The following CREB3 variants were observed in gnomAD, a reference collection of about 807,000 sequenced individuals.
CREB3 encodes cAMP responsive element binding protein 3.
CREB3 carries 29 observed loss-of-function variants against 34.5 expected under a neutral mutation model. The ratio of observed to expected loss-of-function variants is 0.84; its 90% CI spans 0.63 to 1.15. CREB3 has a LOEUF of 1.15. Among genes scored for constraint, CREB3 ranks in the 50% most tolerant of loss-of-function variants. The pLI, the probability that CREB3 is intolerant of heterozygous loss-of-function variation, is 0.00. For missense variants in CREB3, 447 were observed against 443.4 expected (o/e 1.01, Z -0.07); for synonymous variants, 187 against 173.9 (o/e 1.08, Z -0.59).
At chr9:35,733,540 G>A (rs1484604538) in intron 4 of CREB3, 55 bp downstream of exon 4, 30 of 1,228,482 alleles carry the variant, frequency 2.4e-5, no homozygotes, top group Middle Eastern at 1.9e-4. Context: ...GTCCCAAGTA[G>A]GCAAATTCTG....
rs748445469 is a variant in CREB3, at chr9:35,732,994, A to AG, written c.130dup. 5 of 1,614,118 alleles carry AG rather than the reference A, an allele frequency of 3.1e-6. No homozygotes were observed. In the African/African-American group the frequency reaches 6.7e-5, roughly 22 times the overall value. Reference sequence around the variant, plus strand: ...AGGCCTGTTCATTGGAACCCTGCGCAGGTACCGAGCGACTGGGAAGTAGAT... The same window carrying AG: ...AGGCCTGTTCATTGGAACCCTGCGCAGGGTACCGAGCGACTGGGAAGTAGAT... On this transcript the variant is annotated splice_acceptor_variant, in intron 1 of 8. Transcript: ENST00000353704. LOFTEE classifies it high-confidence loss of function. The surrounding 1 kb of genome is among the most constrained non-coding windows in gnomAD (Gnocchi z 5.1).
chr9:35,735,670 C>T (rs932094028), intron 6 of CREB3, among the ~76,000 whole-genome samples: 3 of 152,140 alleles, frequency 2.0e-5, no homozygotes, highest in African/African-American at 7.2e-5. Context: ...AGGACTAGTC[C>T]AGCATAGTCA....
In CREB3 at chr9:35,736,317, A is replaced by G. The variant is rs1408242773; in HGVS notation, c.781+6A>G. On this transcript the variant is annotated splice_donor_region_variant and intron_variant, in intron 8 of 8. Coordinates refer to ENST00000353704, the MANE Select transcript of CREB3 (RefSeq NM_006368.5). The stretch of plus-strand genomic sequence containing the variant: ...CCTGCCAGCTGAGCATGGAGGTAAG[A>G]GGCTTAAGGATAGCTCTCAGACAGG... The G allele has an allele frequency of 6.2e-7, 1 of 1,613,904 alleles. No individual in the cohort carries two copies. The highest frequency in any genetic ancestry group is 2.2e-5 in the East Asian group (1 of 44,888).
chr9:35,736,437 A>C lies in CREB3; in HGVS notation c.827A>C (p.Gln276Pro), dbSNP rs1826211023. ...GCCCTCCCCAGTGAGGACCCTTACC[A>C]GCTGGAGCTGCCTGCCCTGCAGTCA... ...LRALPSEDPY[Q>P]LELPALQSEV... The change falls in exon 9 of 9, where the codon CAG becomes CCG. Residue 276 changes from glutamine (Q) to proline (P), a missense_variant. Gln to Pro is a moderately conservative substitution (Grantham distance 76, BLOSUM62 -1). Coordinates refer to ENST00000353704, the MANE Select transcript of CREB3 (RefSeq NM_006368.5). The C allele has an allele frequency of 3.7e-6, 6 of 1,614,108 alleles. No homozygotes were observed. The highest frequency in any genetic ancestry group is 5.1e-6 in the Non-Finnish European group (6 of 1,180,036).
chr9:35,735,304 A>G lies in CREB3; in HGVS notation c.543-2A>G, dbSNP rs768692267. On this transcript the variant is annotated splice_acceptor_variant, in intron 5 of 8. Coordinates refer to ENST00000353704, the MANE Select transcript of CREB3 (RefSeq NM_006368.5). LOFTEE classifies it high-confidence loss of function. ...TCCCCGTATCTTTGTTATTTCCCCC[A>G]GGGTCTTGAAATACACAGCCCAGAA... The G allele has an allele frequency of 6.2e-7, 1 of 1,614,018 alleles. No individual in the cohort carries two copies. The highest frequency in any genetic ancestry group is 1.1e-5 in the South Asian group (1 of 91,090).
In CREB3 at chr9:35,735,234, C is replaced by G. The variant is rs750985232; in HGVS notation, c.542+19C>G. 1.2e-6 allele frequency: 2 copies of G among 1,611,964 alleles called. No individual in the cohort carries two copies. The highest frequency in any genetic ancestry group is 1.3e-5 in the African/African-American group (1 of 74,912). On this transcript the variant is annotated intron_variant, in intron 5 of 8. Coordinates refer to ENST00000353704, the MANE Select transcript of CREB3 (RefSeq NM_006368.5). ...AGAGCAGGTATGAAAGGGAGAGGGA[C>G]TCTGTTGTAAGTATTAGGTTTTTGA...
Position 35,735,158 on chromosome 9 carries a change from G to A in CREB3, c.485G>A (p.Arg162Lys). The A allele has an allele frequency of 6.2e-7, 1 of 1,601,344 alleles. No homozygotes were observed. The highest frequency in any genetic ancestry group is 8.5e-7 in the Non-Finnish European group (1 of 1,177,062). ...KRVRRKIRNK[R>K]SAQESRRKKK... is the part of the protein sequence containing the mutation. ...GTGCGGAGGAAGATTCGAAATAAAA[G>A]ATCTGCTCAAGAGAGCCGCAGGAAA... Residue 162 changes from arginine (R) to lysine (K), a missense_variant, in exon 5 of 9, where the codon AGA becomes AAA. Coordinates refer to ENST00000353704, the MANE Select transcript of CREB3 (RefSeq NM_006368.5).
At chr9:35,736,365 G>A in intron 8 of CREB3, 27 bp from the exon 9 acceptor site, 1 of 1,612,854 alleles carries the variant, frequency 6.2e-7, no homozygotes, top group Admixed American at 1.7e-5. Flanking sequence ...GTCTGGGTTG[G>A]CCTCTGAAGA....
intron 4 of CREB3, 141 bp from the exon 5 acceptor site, chr9:35,734,963 GAGGCA>G (rs1826171037): frequency 4.6e-6 from 3 of 659,294 alleles, no homozygotes; most frequent in Admixed American, 3.2e-5. Flanking sequence ...CTGGTCCGTG[GAGGCA>G]TTCAGAAAGA....
chr9:35,733,380 T>C lies in CREB3; in HGVS notation c.346-16T>C, dbSNP rs190438827. 2 of 1,612,800 alleles carry C rather than the reference T, an allele frequency of 1.2e-6. No homozygotes were observed. Among genetic ancestry groups the C allele is most frequent in the East Asian group, 4.5e-5 (2 of 44,884 alleles). ...ACATCCCCATGCAACTGCCGTCCAC[T>C]TTCTTGTTACCCTAGGAGATTGCTA... On this transcript the variant is annotated splice_polypyrimidine_tract_variant and intron_variant, in intron 3 of 8. Transcript: ENST00000353704.
Position 35,733,279 on chromosome 9 carries a change from G to A in CREB3, c.342G>A (p.Glu114=). The change falls in exon 3 of 9, where the codon GAG becomes GAA. Residue 114 remains glutamate, a synonymous_variant. Transcript: ENST00000353704. ...MTPQHMEELA[E]QEIARLVLTD... Reference sequence around the variant, plus strand: ...CACAGCATATGGAGGAGCTGGCAGAGCAGGTACTTGACTTGATTTTCAGGA... The same window carrying A: ...CACAGCATATGGAGGAGCTGGCAGAACAGGTACTTGACTTGATTTTCAGGA... 1 of 1,614,206 alleles carries A rather than the reference G, an allele frequency of 6.2e-7. No individual in the cohort carries two copies.
chr9:35,733,198 T>C lies in CREB3; in HGVS notation c.278-17T>C. The stretch of plus-strand genomic sequence containing the variant: ...CAGGGTTCATGGGCCTGGCTATTCA[T>C]ACTTTCCCTTTTGCAGAGAGTGAGA... On this transcript the variant is annotated splice_polypyrimidine_tract_variant and intron_variant, in intron 2 of 8. Coordinates refer to ENST00000353704, the MANE Select transcript of CREB3 (RefSeq NM_006368.5). 2.5e-6 allele frequency: 4 copies of C among 1,614,174 alleles called. No homozygotes were observed. The highest frequency in any genetic ancestry group is 3.4e-6 in the Non-Finnish European group (4 of 1,180,018).
chr9:35,735,072 T>C (rs749790844), intron 4 of CREB3, 37 bp from the exon 5 acceptor site: 4 of 1,542,698 alleles, frequency 2.6e-6, no homozygotes, highest in Non-Finnish European at 3.5e-6. Flanking sequence ...TTTTCTAGAG[T>C]TCCTCTAATG....
Position 35,736,049 on chromosome 9 carries a change from T to C in CREB3, c.613T>C (p.Ser205Pro), listed in dbSNP as rs1187871060. The C allele has an allele frequency of 6.2e-7, 1 of 1,612,826 alleles. No individual in the cohort carries two copies. Among genetic ancestry groups the C allele is most frequent in the South Asian group, 1.1e-5 (1 of 91,056 alleles). ...KVQLLEEQNL[S>P]LLDQLRKLQA... ...CTATTGGCCCCTCTCTTCCTCTAGG[T>C]CCCTTCTAGATCAACTGAGGAAACT... The change falls in exon 7 of 9, where the codon TCC (serine) becomes CCC (proline). Residue 205 changes from serine to proline, a missense_variant and splice_region_variant. Transcript: ENST00000353704.
Position 35,735,177 on chromosome 9 carries a change from C to A in CREB3, c.504C>A (p.Arg168=). ...IRNKRSAQES[R]RKKKVYVGGL... The stretch of plus-strand genomic sequence containing the variant: ...ATAAAAGATCTGCTCAAGAGAGCCG[C>A]AGGAAAAAGAAGGTGTATGTTGGGG... The change falls in exon 5 of 9, where the codon CGC becomes CGA. Residue 168 remains arginine, a synonymous_variant. Transcript: ENST00000353704. 6.2e-7 allele frequency: 1 copy of A among 1,602,832 alleles called. No homozygotes were observed. The highest frequency in any genetic ancestry group is 8.5e-7 in the Non-Finnish European group (1 of 1,177,344).
chr9:35,733,321 C>G, intron 3 of CREB3, 39 bp downstream of exon 3: 1 of 1,612,718 alleles, frequency 6.2e-7, no homozygotes, highest in Non-Finnish European at 8.5e-7. Flanking sequence ...TCTCACATTC[C>G]CCAGGTGGGG....
chr9:35,736,894 A>C lies in CREB3; in HGVS notation c.*168A>C, dbSNP rs955871413. 4.0e-6 allele frequency: 3 copies of C among 743,806 alleles called. No homozygotes were observed. In the African/African-American group the frequency reaches 5.3e-5, roughly 13 times the overall value. The allele number at this position is 743,806 out of a possible 1,614,324, so 46.1% of individuals were successfully genotyped here. ...CTTTCTGGGTCTTTTATTTGTACCC[A>C]TGTGTCTGTCACACCATGAATGTAC... On this transcript the variant is annotated 3_prime_UTR_variant, in exon 9 of 9. Coordinates refer to ENST00000353704, the MANE Select transcript of CREB3 (RefSeq NM_006368.5).
rs1300493624 is a variant in CREB3 at position 35,735,171 on chromosome 9, G to A, written c.498G>A (p.Glu166=). The A allele has an allele frequency of 6.2e-7, 1 of 1,603,744 alleles. No homozygotes were observed. The highest frequency in any genetic ancestry group is 8.5e-7 in the Non-Finnish European group (1 of 1,177,614). The change falls in exon 5 of 9, where the codon GAG becomes GAA. Residue 166 remains glutamate, a synonymous_variant. Transcript: ENST00000353704. The part of the protein sequence containing the change: ...RKIRNKRSAQ[E]SRRKKKVYVG... ...TTCGAAATAAAAGATCTGCTCAAGA[G>A]AGCCGCAGGAAAAAGAAGGTGTATG...
At chr9:35,735,013 G>C (rs1034064799) in intron 4 of CREB3, 96 bp from the exon 5 acceptor site, 38 of 1,004,322 alleles carry the variant, frequency 3.8e-5, no homozygotes, top group Non-Finnish European at 5.5e-5. Context: ...AGCTGTAGAA[G>C]GGATTTCTGT....
Sources: allele counts gnomAD v4.1 joint callset (sites outside exome capture counted in the v4.1 genomes callset), GRCh38; gene constraint gnomAD v4.1.1; non-coding constraint Gnocchi (gnomAD v3.1); transcripts MANE v1.5; gene names NCBI Gene and HGNC (gene_info 2026-07-23, HGNC 2026-07-21).